Variants in SLC4A8 observed in about 807,000 individuals in gnomAD.
SLC4A8 encodes electroneutral sodium bicarbonate exchanger 1.
In SLC4A8, 40 loss-of-function variants were observed where a neutral mutation model predicts 125.0. The ratio of observed to expected loss-of-function variants is 0.32; its 90% CI spans 0.25 to 0.42. The LOEUF is 0.42. Ranked by LOEUF, SLC4A8 falls within the 10% of genes least tolerant of loss-of-function variation. The pLI, the probability that SLC4A8 is intolerant of heterozygous loss-of-function variation, is 1.00. For synonymous variants in SLC4A8, 456 were observed against 476.0 expected (o/e 0.96, Z 0.55); for missense variants, 863 against 1,355.1 (o/e 0.64, Z 5.70).
chr12:51,493,584 A>G (rs1289772307), intron 19 of SLC4A8, 120 bp from the exon 20 acceptor site: 7 of 685,824 alleles, frequency 1.0e-5, no homozygotes, highest in East Asian at 2.5e-5. Context: ...AACTAATGCA[A>G]TGTGTCTGCA....
At chr12:51,438,272 C>T (rs1565775711) in intron 1 of SLC4A8, among the ~76,000 whole-genome samples, 1 of 152,094 alleles carries the variant, frequency 6.6e-6, no homozygotes. Flanking sequence ...AAATCTCTCC[C>T]TACACTTCTC....
At position 51,514,535 on chromosome 12, in the gene SLC4A8, T is replaced by G. The variant is rs1311237101; in HGVS notation, c.*7097T>G. 1 of 152,176 alleles carries G rather than the reference T, an allele frequency of 6.6e-6. No homozygotes were observed. The highest frequency in any genetic ancestry group is 1.5e-5 in the Non-Finnish European group (1 of 68,036). 9.4% of individuals were successfully genotyped at this position (152,176 alleles called of 1,614,324 possible). A position where few individuals can be genotyped will look rare whatever the true frequency, so the allele number is the denominator to read the frequency against. ...GGGGGTGCTGAGAATGGTGAGGAGT[T>G]GGACAGTCCCGGGGCTTTTTTGAAA... On this transcript the variant is annotated 3_prime_UTR_variant, in exon 25 of 25. Transcript: ENST00000453097.
intron 1 of SLC4A8, chr12:51,425,283 C>G: frequency 1.5e-6 from 2 of 1,301,094 alleles, no homozygotes; most frequent in Non-Finnish European, 1.9e-6. Context: ...CGCCGCCCGC[C>G]CAGGAGCCCT....
Position 51,453,562 on chromosome 12 carries a change from T to C in SLC4A8, c.437T>C (p.Val146Ala), listed in dbSNP as rs775720798. ...AGGTGGCTGAAGTTTGAAGAAGATG[T>C]TGAAGATGGGGGAGAACGCTGGAGC... ...TARWLKFEED[V>A]EDGGERWSKP... The change falls in exon 5 of 25, where the codon GTT becomes GCT. Residue 146 changes from valine to alanine, a missense_variant. By Grantham distance (64) the Val-to-Ala change is moderately conservative. Transcript: ENST00000453097. 6.2e-7 allele frequency: 1 copy of C among 1,614,142 alleles called. No homozygotes were observed. The highest frequency in any genetic ancestry group is 8.5e-7 in the Non-Finnish European group (1 of 1,179,994).
intron 2 of SLC4A8, among the ~76,000 whole-genome samples, chr12:51,444,417 C>T (rs935050247): frequency 3.9e-5 from 6 of 152,110 alleles, no homozygotes; most frequent in African/African-American, 1.4e-4. Flanking sequence ...CTGCCTGTCT[C>T]TCTGATATTT....
At chr12:51,476,896 T>G (rs1325171316) in intron 16 of SLC4A8, among the ~76,000 whole-genome samples, 2 of 147,396 alleles carry the variant, frequency 1.4e-5, no homozygotes, top group African/African-American at 5.0e-5. Context: ...CTTGTTTTTC[T>G]TTTTCTTTTC....
chr12:51,415,728 A>G (rs1335442104), intron 1 of SLC4A8, among the ~76,000 whole-genome samples: 1 of 150,952 alleles, frequency 6.6e-6, no homozygotes, highest in Non-Finnish European at 1.5e-5. Context: ...TCTTGGACAC[A>G]AATATGGAAA....
intron 2 of SLC4A8, among the ~76,000 whole-genome samples, chr12:51,447,855 TA>T (rs1181367058): frequency 1.3e-5 from 2 of 151,816 alleles, no homozygotes; most frequent in Non-Finnish European, 2.9e-5. Flanking sequence ...TAGCTGGGAC[TA>T]CAGGCACCCA....
At chr12:51,460,230 T>C in intron 8 of SLC4A8, 122 bp downstream of exon 8, 1 of 893,528 alleles carries the variant, frequency 1.1e-6, no homozygotes, top group South Asian at 1.4e-5. Flanking sequence ...TGTTTACAAT[T>C]CAGCAGAAAA....
At chr12:51,397,236 A>G (rs1948282390) in intron 1 of SLC4A8, among the ~76,000 whole-genome samples, 2 of 152,168 alleles carry the variant, frequency 1.3e-5, no homozygotes, top group South Asian at 4.1e-4. Flanking sequence ...TCTCAGCCTT[A>G]GTTAATTATA....
Position 51,497,107 on chromosome 12 carries a change from A to G in SLC4A8, c.3064A>G (p.Lys1022Glu), listed in dbSNP as rs374097671. The G allele has an allele frequency of 1.2e-6, 2 of 1,613,458 alleles. No homozygotes were observed. ...KKKKLDDAKK[K>E]AKEEEEAEKM... The stretch of plus-strand genomic sequence containing the variant: ...GAAGAAGTTGGATGATGCCAAAAAG[A>G]AGGCCAAGGAGGAAGAGGTCATAGT... Residue 1022 changes from lysine (K) to glutamate (E), a missense_variant, in exon 22 of 25, where the codon AAG becomes GAG. By Grantham distance (56) the Lys-to-Glu change is moderately conservative. Around this residue, in one of 6 missense-constraint regions of SLC4A8, gnomAD observed 92 missense variants for 125.6 expected, o/e 0.73. Coordinates refer to ENST00000453097, the MANE Select transcript of SLC4A8 (RefSeq NM_001039960.3).
At chr12:51,476,474 C>G (rs1250860194) in intron 16 of SLC4A8, among the ~76,000 whole-genome samples, 3 of 151,382 alleles carry the variant, frequency 2.0e-5, no homozygotes, top group African/African-American at 7.3e-5. Context: ...GAGTGAGACT[C>G]TGTCTCAAAA....
chr12:51,484,205 C>T (rs1213909387), intron 16 of SLC4A8, among the ~76,000 whole-genome samples: 1 of 152,124 alleles, frequency 6.6e-6, no homozygotes, highest in African/African-American at 2.4e-5. Flanking sequence ...ATGGCAGTCA[C>T]GGGAGGTACA....
chr12:51,409,033 T>A (rs1592144576), intron 1 of SLC4A8, among the ~76,000 whole-genome samples: 1 of 29,008 alleles, frequency 3.4e-5, no homozygotes, highest in Non-Finnish European at 6.5e-5. Context: ...ATATATATAC[T>A]TTTTTTTTTT....
intron 1 of SLC4A8, among the ~76,000 whole-genome samples, chr12:51,418,045 A>G (rs747753425): frequency 6.6e-6 from 1 of 152,234 alleles, no homozygotes; most frequent in Non-Finnish European, 1.5e-5. Flanking sequence ...GGAGACAGTA[A>G]TCCTATCCTG....
intron 22 of SLC4A8, among the ~76,000 whole-genome samples, chr12:51,498,050 GAA>G (rs546057946): frequency 2.3e-5 from 3 of 132,766 alleles, no homozygotes; most frequent in African/African-American, 8.3e-5. Flanking sequence ...CCTATCTCAA[GAA>G]AAAAAAAAAA....
At chr12:51,437,662 T>C (rs910363348) in intron 1 of SLC4A8, among the ~76,000 whole-genome samples, 4 of 152,222 alleles carry the variant, frequency 2.6e-5, no homozygotes, top group Non-Finnish European at 4.4e-5. Context: ...AAGATAAACC[T>C]ATTTTCTTAA....
At position 51,485,910 on chromosome 12, in the gene SLC4A8, T is replaced by C; in HGVS notation, c.2286+10T>C. 1.4e-6 allele frequency: 2 copies of C among 1,467,520 alleles called. No homozygotes were observed. Among genetic ancestry groups the C allele is most frequent in the Non-Finnish European group, 1.9e-6 (2 of 1,046,752 alleles). The allele number at this position is 1,467,520 out of a possible 1,614,324, so 90.9% of individuals were successfully genotyped here. ...TCCCAGTGTGTTCAAGGTAAACAGA[T>C]CTCAGAGTACTTGGTGCACTCATGT... On this transcript the variant is annotated intron_variant, in intron 17 of 24. Coordinates refer to ENST00000453097, the MANE Select transcript of SLC4A8 (RefSeq NM_001039960.3).
In SLC4A8 at chr12:51,513,854, C is replaced by T. The variant is rs1014921621; in HGVS notation, c.*6416C>T. 3.3e-5 allele frequency: 5 copies of T among 152,244 alleles called. No homozygotes were observed. The highest frequency in any genetic ancestry group is 6.5e-5 in the Admixed American group (1 of 15,292). 9.4% of individuals were successfully genotyped at this position (152,244 alleles called of 1,614,324 possible). ...CTCAGACTATGATAGCTGTGACCTT[C>T]AAGAAATTTCTGGCTTGGGGAATCT... is the stretch of plus-strand genomic sequence containing the variant. On this transcript the variant is annotated 3_prime_UTR_variant, in exon 25 of 25. Coordinates refer to ENST00000453097, the MANE Select transcript of SLC4A8 (RefSeq NM_001039960.3).
Sources: gnomAD v4.1 joint callset for allele counts (sites outside exome capture counted in the v4.1 genomes callset) on GRCh38, gnomAD v4.1.1 for gene constraint, gnomAD v4.1.1 regional missense constraint, MANE v1.5 for transcripts, NCBI Gene and HGNC (gene_info 2026-07-23, HGNC 2026-07-21) for gene names.